Variants in LRPPRC observed in about 807,000 individuals in gnomAD.
The protein encoded by LRPPRC is leucine-rich PPR motif-containing protein, mitochondrial.
A neutral mutation model predicts 180.3 loss-of-function variants in LRPPRC; 120 were observed. The observed-to-expected ratio is 0.67, with a 90% confidence interval of 0.57 to 0.77. The LOEUF is 0.77. Ranked by LOEUF, LRPPRC falls within the 30% of genes least tolerant of loss-of-function variation. The pLI is 0.00. For synonymous variants in LRPPRC, 723 were observed against 600.0 expected, an observed-to-expected ratio of 1.21 and a Z score of -3.00; for missense variants, 2,012 against 1,657.2, an observed-to-expected ratio of 1.21 and a Z score of -3.72.
At chr2:43,944,674 TA>T (rs1239971023) in intron 22 of LRPPRC, among the ~76,000 whole-genome samples, 3 of 151,960 alleles carry the variant, frequency 2.0e-5, no homozygotes, top group Non-Finnish European at 2.9e-5. Context: ...AGAGGAAGGC[TA>T]AAAAGGAAAT....
intron 13 of LRPPRC, among the ~76,000 whole-genome samples, chr2:43,958,484 T>G (rs1395418918): frequency 6.6e-6 from 1 of 152,166 alleles, no homozygotes; most frequent in Non-Finnish European, 1.5e-5. Context: ...AGGAGAATTG[T>G]TTTAGATCAG....
chr2:43,947,342 T>TC lies in LRPPRC; in HGVS notation c.1993dup (p.Glu665GlyfsTer5). 1 of 1,599,434 alleles carries TC rather than the reference T, an allele frequency of 6.3e-7. No homozygotes were observed. ...AGCTTTTAGTGTTTCAAGTGTGGAC[T>TC]CCAATTCAGATGATGTAAGTTGCAC... On this transcript the variant is annotated frameshift_variant, in exon 20 of 38. Coordinates refer to ENST00000260665, the MANE Select transcript of LRPPRC (RefSeq NM_133259.4). LOFTEE classifies it high-confidence loss of function.
At chr2:43,902,171 C>T (rs898002676) in intron 31 of LRPPRC, 2 of 152,464 alleles carry the variant, frequency 1.3e-5, no homozygotes, top group Middle Eastern at 6.8e-3. Context: ...AACTTTATCC[C>T]GACTTAGCCC....
intron 11 of LRPPRC, among the ~76,000 whole-genome samples, chr2:43,964,706 A>C (rs1264515507): frequency 1.3e-5 from 2 of 152,162 alleles, no homozygotes; most frequent in African/African-American, 2.4e-5. Context: ...TAAAAAAAAA[A>C]CTATAATTTT....
At chr2:43,892,600 T>G (rs910397964) in intron 36 of LRPPRC, 1 of 152,180 alleles carries the variant, frequency 6.6e-6, no homozygotes, top group African/African-American at 2.4e-5. Context: ...ACAGGGAGAT[T>G]AATGTTGTTC....
intron 8 of LRPPRC, 71 bp from the exon 9 acceptor site, chr2:43,974,366 A>T: frequency 8.8e-7 from 1 of 1,141,500 alleles, no homozygotes; most frequent in Non-Finnish European, 1.3e-6. Context: ...CAATGTTCCA[A>T]TACTGAAGAC....
intron 16 of LRPPRC, 71 bp from the exon 17 acceptor site, chr2:43,948,589 T>A: frequency 1.2e-6 from 1 of 832,520 alleles, no homozygotes; most frequent in Non-Finnish European, 2.1e-6. Context: ...GATTAATTTA[T>A]AAGAAATCAT....
intron 6 of LRPPRC, among the ~76,000 whole-genome samples, chr2:43,975,678 G>A (rs1468808092): frequency 1.3e-5 from 2 of 151,872 alleles, no homozygotes; most frequent in African/African-American, 2.4e-5. Flanking sequence ...TGCCTCCCGG[G>A]TTCAAGCAAC....
chr2:43,915,955 G>A (rs1373673407), intron 29 of LRPPRC, among the ~76,000 whole-genome samples: 1 of 152,046 alleles, frequency 6.6e-6, no homozygotes, highest in East Asian at 1.9e-4. Context: ...CTGAACAGAT[G>A]GGATACCACT....
At chr2:43,970,607 T>C (rs918941113) in intron 11 of LRPPRC, among the ~76,000 whole-genome samples, 3 of 152,214 alleles carry the variant, frequency 2.0e-5, no homozygotes, top group Non-Finnish European at 2.9e-5. Flanking sequence ...TATTTCAATA[T>C]AGCCATGAGA....
At chr2:43,898,056 C>T (rs188619277) in intron 34 of LRPPRC, among the ~76,000 whole-genome samples, 191 of 131,162 alleles carry the variant, frequency 1.5e-3, no homozygotes, top group African/African-American at 5.7e-3. Flanking sequence ...TCATAAACTG[C>T]CTTTTCCTTA....
At chr2:43,950,312 T>C (rs1322122095) in intron 15 of LRPPRC, among the ~76,000 whole-genome samples, 1 of 152,072 alleles carries the variant, frequency 6.6e-6, no homozygotes, top group African/African-American at 2.4e-5. Flanking sequence ...GCTGCACAGA[T>C]CATCCCATCA....
intron 31 of LRPPRC, chr2:43,903,155 C>T (rs1033433947): frequency 1.3e-5 from 2 of 152,186 alleles, no homozygotes; most frequent in Non-Finnish European, 2.9e-5. Context: ...GACCTTGTGA[C>T]CTAAATCCTA....
chr2:43,985,174 TAAGCAG>T (rs1161712655), intron 1 of LRPPRC, among the ~76,000 whole-genome samples: 1 of 152,146 alleles, frequency 6.6e-6, no homozygotes, highest in African/African-American at 2.4e-5. Flanking sequence ...AATTTTTTGA[TAAGCAG>T]AGACTGACTA....
At position 43,904,897 on chromosome 2, in the gene LRPPRC, T is replaced by C. The variant is rs184128914; in HGVS notation, c.3364+795A>G. On this transcript the variant is annotated intron_variant, in intron 31 of 37. Coordinates refer to ENST00000260665, the MANE Select transcript of LRPPRC (RefSeq NM_133259.4). The stretch of plus-strand genomic sequence containing the variant: ...GCAGTATCACTGTATTCACTCAAAT[T>C]CAAATGTAAATCTTAAAGTGGAAAG... 1.6e-3 allele frequency among the ~76,000 whole-genome samples: 237 copies of C among 152,198 alleles called. 1 individual carries two copies. Among genetic ancestry groups the C allele is most frequent in the African/African-American group, 5.2e-3 (215 of 41,518 alleles).
chr2:43,955,555 T>G, intron 14 of LRPPRC, among the ~76,000 whole-genome samples: 1 of 149,346 alleles, frequency 6.7e-6, no homozygotes, highest in South Asian at 2.1e-4. Context: ...CTGGGCAACA[T>G]AGTGAGATCC....
chr2:43,960,488 A>G (rs1235727040), intron 13 of LRPPRC, 53 bp downstream of exon 13: 5 of 981,064 alleles, frequency 5.1e-6, no homozygotes, highest in Admixed American at 1.7e-5. Context: ...CATGCCCTCA[A>G]TAGTAACTGA....
At chr2:43,981,653 C>T (rs1674313401) in intron 2 of LRPPRC, among the ~76,000 whole-genome samples, 1 of 151,438 alleles carries the variant, frequency 6.6e-6, no homozygotes, top group Admixed American at 6.6e-5. Context: ...GAGCGATACT[C>T]CATCCCAAAA....
intron 14 of LRPPRC, among the ~76,000 whole-genome samples, chr2:43,952,860 C>T (rs1336882974): frequency 6.6e-6 from 1 of 152,118 alleles, no homozygotes; most frequent in East Asian, 1.9e-4. Flanking sequence ...TTTACCTGTA[C>T]TCTCCCCTTT....
Sources: gnomAD v4.1 joint callset for allele counts (sites outside exome capture counted in the v4.1 genomes callset) on GRCh38, gnomAD v4.1.1 for gene constraint, MANE v1.5 for transcripts, NCBI Gene and HGNC (gene_info 2026-07-23, HGNC 2026-07-21) for gene names.